MICU1: variants seen among roughly 807,000 people sequenced by gnomAD.
MICU1 encodes mitochondrial calcium uptake 1, also known as calcium uptake protein 1, mitochondrial.
A neutral mutation model predicts 56.8 loss-of-function variants in MICU1; 45 were observed. That is an observed-to-expected ratio of 0.79 (90% CI 0.62 to 1.02). The LOEUF (loss-of-function observed/expected upper bound fraction) is 1.02. Among genes scored for constraint, MICU1 ranks in the 50% least tolerant of loss-of-function variants. The probability of loss-of-function intolerance (pLI) is 0.00; values close to 1 mark genes in which losing one functional copy is unlikely to be tolerated. For missense variants in MICU1, 504 were observed against 587.1 expected (o/e 0.86, Z 1.46); for synonymous variants, 186 against 195.1 (o/e 0.95, Z 0.39).
chr10:72,487,625 T>C (rs1197224999), intron 6 of MICU1, among the ~76,000 whole-genome samples: 1 of 152,282 alleles, frequency 6.6e-6, no homozygotes, highest in Middle Eastern at 3.4e-3. Context: ...AAGGAGATGT[T>C]ATCTCTTCTG....
intron 10 of MICU1, among the ~76,000 whole-genome samples, chr10:72,403,099 C>T (rs993064277): frequency 3.3e-5 from 5 of 152,056 alleles, no homozygotes; most frequent in African/African-American, 4.8e-5. Context: ...GAGCTGGGGC[C>T]GGGCGCGGTG....
Position 72,551,344 on chromosome 10 carries a change from A to G in MICU1, c.331-3T>C. On this transcript the variant is annotated splice_region_variant and splice_polypyrimidine_tract_variant and intron_variant, in intron 3 of 11. Transcript: ENST00000361114. Reference sequence around the variant, plus strand: ...ATCCTATTCTCATATTCCATCACCTAAAGTTAGAAATTTAGAAAGTGTTAC... The same window carrying G: ...ATCCTATTCTCATATTCCATCACCTGAAGTTAGAAATTTAGAAAGTGTTAC... The G allele has an allele frequency of 2.5e-6, 4 of 1,596,592 alleles. No homozygotes were observed. Among genetic ancestry groups the G allele is most frequent in the Non-Finnish European group, 3.4e-6 (4 of 1,172,136 alleles).
intron 5 of MICU1, among the ~76,000 whole-genome samples, chr10:72,521,320 T>C (rs929866210): frequency 6.6e-6 from 1 of 152,098 alleles, no homozygotes; most frequent in South Asian, 2.1e-4. Flanking sequence ...TTAAAAGCAA[T>C]TTTGAAAGCA....
intron 1 of MICU1, among the ~76,000 whole-genome samples, chr10:72,595,447 C>CAAAAAAAAAAAAAAAAAAAA (rs1255926638): frequency 4.9e-5 from 2 of 41,112 alleles, no homozygotes; most frequent in Non-Finnish European, 1.0e-4. Context: ...GACTCTGTCT[C>CAAAAAAAAAAAAAAAAAAAA]AAAAAAAAAA....
At position 72,475,271 on chromosome 10, in the gene MICU1, G is replaced by C; in HGVS notation, c.762C>G (p.Thr254=). 1 of 1,607,380 alleles carries C rather than the reference G, an allele frequency of 6.2e-7. No homozygotes were observed. The highest frequency in any genetic ancestry group is 1.3e-5 in the African/African-American group (1 of 74,968). ...GATCTCTGTGGCGCATACCCATACT[G>C]GTTTGGGAGCGAATGATGCTCTGAA... The part of the protein sequence containing the change: ...EQVQSIIRSQ[T]SMGMRHRDRP... The change falls in exon 8 of 12, where the codon ACC becomes ACG. Residue 254 remains threonine, a synonymous_variant. Coordinates refer to ENST00000361114, the MANE Select transcript of MICU1 (RefSeq NM_001195518.2).
intron 8 of MICU1, among the ~76,000 whole-genome samples, chr10:72,448,193 A>ATTTT (rs71018289): frequency 0.024 from 896 of 36,834 alleles, 203 homozygotes; most frequent in Middle Eastern, 0.077. Flanking sequence ...ATATATATAT[A>ATTTT]TTTTTTTTTT....
rs1867586693 is a variant in MICU1 at position 72,514,536 on chromosome 10, GTAAAGACCTGTGACCTTTGTCAT to G, written c.538-6290_538-6268del. ...TTAATGACTTTATTAAACTCTTCTTGTAAAGACCTGTGACCTTTGTCATAGGTCGTCACTCAAGTCTCTGTTCA... is the reference window on the plus strand; with the variant it reads ...TTAATGACTTTATTAAACTCTTCTTGAGGTCGTCACTCAAGTCTCTGTTCA... On this transcript the variant is annotated intron_variant, in intron 5 of 11. Coordinates refer to ENST00000361114, the MANE Select transcript of MICU1 (RefSeq NM_001195518.2). Among the ~76,000 whole-genome samples the G allele has an allele frequency of 2.0e-5, 3 of 152,080 alleles. No homozygotes were observed. In the South Asian group the frequency reaches 6.2e-4, roughly 32 times the overall value.
chr10:72,592,014 GT>G (rs780078958), intron 1 of MICU1, among the ~76,000 whole-genome samples: 66 of 137,212 alleles, frequency 4.8e-4, no homozygotes, highest in South Asian at 3.7e-3. Flanking sequence ...TGGTTTTTTT[GT>G]TTTTTTTTTT....
intron 10 of MICU1, among the ~76,000 whole-genome samples, chr10:72,401,337 C>A (rs1351384146): frequency 6.6e-6 from 1 of 152,084 alleles, no homozygotes; most frequent in Admixed American, 6.5e-5. Flanking sequence ...GAAATAATTA[C>A]CACAATCAAG....
intron 6 of MICU1, among the ~76,000 whole-genome samples, chr10:72,489,737 G>A (rs980204128): frequency 1.2e-4 from 19 of 152,020 alleles, no homozygotes; most frequent in African/African-American, 4.6e-4. Flanking sequence ...CTAATAATCA[G>A]AATTAAATGT....
At chr10:72,596,429 C>G (rs1464084608) in intron 1 of MICU1, among the ~76,000 whole-genome samples, 1 of 152,036 alleles carries the variant, frequency 6.6e-6, no homozygotes, top group Non-Finnish European at 1.5e-5. Flanking sequence ...CAGAGAGACC[C>G]TGTCTCAAAA....
At chr10:72,390,395 C>A (rs6480617) in intron 10 of MICU1, among the ~76,000 whole-genome samples, 10,895 of 151,998 alleles carry the variant, frequency 0.072, 1,338 homozygotes, top group African/African-American at 0.25. Context: ...AATAATGCAC[C>A]TTCATATATT....
intron 6 of MICU1, among the ~76,000 whole-genome samples, chr10:72,478,031 G>A (rs1414997800): frequency 3.3e-5 from 5 of 151,946 alleles, no homozygotes; most frequent in Non-Finnish European, 5.9e-5. Flanking sequence ...ACCATGCCTG[G>A]CTAATTTTTG....
intron 10 of MICU1, among the ~76,000 whole-genome samples, chr10:72,386,538 C>G (rs2078676649): frequency 6.7e-6 from 1 of 150,236 alleles, no homozygotes; most frequent in South Asian, 2.1e-4. Flanking sequence ...CCGCACTCAT[C>G]CCTCATCCCC....
chr10:72,531,447 T>C (rs182097584), intron 5 of MICU1: 1 of 152,154 alleles, frequency 6.6e-6, no homozygotes, highest in Non-Finnish European at 1.5e-5. Flanking sequence ...AGAAAAATGA[T>C]GGTGGCTCAT....
At chr10:72,559,539 G>T (rs1840240375) in intron 3 of MICU1, among the ~76,000 whole-genome samples, 1 of 151,962 alleles carries the variant, frequency 6.6e-6, no homozygotes, top group Non-Finnish European at 1.5e-5. Context: ...AATGAAAAAT[G>T]AGAGGGCCGG....
chr10:72,586,001 CTTTTTTTTTTTCTTTTT>C (rs1841042778), intron 1 of MICU1, among the ~76,000 whole-genome samples: 1 of 102,000 alleles, frequency 9.8e-6, no homozygotes, highest in Non-Finnish European at 2.1e-5. Flanking sequence ...TTTATTTTTT[CTTTTTTTTTTTCTTTTT>C]TTTTTTTTTT....
intron 4 of MICU1, 38 bp from the exon 5 acceptor site, chr10:72,533,827 A>G (rs2132410809): frequency 1.5e-6 from 2 of 1,362,850 alleles, no homozygotes; most frequent in South Asian, 1.3e-5. Context: ...GCTACTGATA[A>G]TAACTCAAGT....
At chr10:72,530,374 T>TAATAATAATAATAATGAC (rs1839445585) in intron 5 of MICU1, among the ~76,000 whole-genome samples, 1 of 148,546 alleles carries the variant, frequency 6.7e-6, no homozygotes, top group Non-Finnish European at 1.5e-5. Context: ...ATAATAATAA[T>TAATAATAATAATAATGAC]GCCAGAATAT....
Sources: gnomAD v4.1 joint callset for allele counts (sites outside exome capture counted in the v4.1 genomes callset) on GRCh38, gnomAD v4.1.1 for gene constraint, MANE v1.5 for transcripts, NCBI Gene and HGNC (gene_info 2026-07-23, HGNC 2026-07-21) for gene names.